The following PAK1 variants were observed in gnomAD, a reference collection of about 807,000 sequenced individuals.
The protein encoded by PAK1 is serine/threonine-protein kinase PAK 1.
A neutral mutation model predicts 67.4 loss-of-function variants in PAK1; 29 were observed. That is an observed-to-expected ratio of 0.43 (90% CI 0.32 to 0.59). The LOEUF is 0.59. Among genes scored for constraint, PAK1 ranks in the 20% least tolerant of loss-of-function variants. The pLI, the probability that PAK1 is intolerant of heterozygous loss-of-function variation, is 0.07. For missense variants in PAK1, 337 were observed against 670.7 expected (o/e 0.50, Z 5.50); for synonymous variants, 223 against 237.4 (o/e 0.94, Z 0.56).
chr11:77,433,096 G>C (rs1007399696), intron 1 of PAK1, among the ~76,000 whole-genome samples: 103 of 152,260 alleles, frequency 6.8e-4, no homozygotes, highest in African/African-American at 2.5e-3. Flanking sequence ...AACGAAGAAA[G>C]AATAGTCTTT....
the PAK1 span, among the ~76,000 whole-genome samples, chr11:77,528,772 T>C: frequency 6.6e-6 from 1 of 152,242 alleles, no homozygotes; most frequent in Non-Finnish European, 1.5e-5. Context: ...TTTGATGTTT[T>C]ATATCCTTAT....
rs1483949833 is a variant in PAK1 at position 77,391,932 on chromosome 11, T to C, written c.190+399A>G. ...TGAAAGTGGGACCAGGAAGCTGGAA[T>C]AAAGAAAAGGCAATCAAGATTTTGG... On this transcript the variant is annotated intron_variant, in intron 2 of 14. Coordinates refer to ENST00000356341, the MANE Select transcript of PAK1 (RefSeq NM_002576.5). 7.9e-5 allele frequency among the ~76,000 whole-genome samples: 12 copies of C among 152,190 alleles called. No individual in the cohort carries two copies. In the East Asian group the frequency reaches 9.7e-4, roughly 12 times the overall value.
chr11:77,398,506 A>T (rs1164959875), intron 1 of PAK1, among the ~76,000 whole-genome samples: 1 of 152,150 alleles, frequency 6.6e-6, no homozygotes, highest in Non-Finnish European at 1.5e-5. Flanking sequence ...GTTGCAAATG[A>T]CAGGATCTCA....
At chr11:77,336,323 A>G in intron 12 of PAK1, 41 bp from the exon 13 acceptor site, 1 of 1,475,698 alleles carries the variant, frequency 6.8e-7, no homozygotes, top group Non-Finnish European at 9.4e-7. Context: ...CATTTAGGAT[A>G]TACACTCACT....
chr11:77,397,091 G>A (rs503406), intron 1 of PAK1: 52,349 of 152,054 alleles, frequency 0.34, 9,332 homozygotes, highest in African/African-American at 0.43. Context: ...TGCCTCAGAC[G>A]TGCTGCAATA....
chr11:77,431,868 T>C (rs1055201206), intron 1 of PAK1, among the ~76,000 whole-genome samples: 6 of 152,160 alleles, frequency 3.9e-5, no homozygotes, highest in African/African-American at 1.4e-4. Context: ...AAAGTAACAA[T>C]ATGCCAATCC....
At chr11:77,501,530 A>G in the PAK1 span, among the ~76,000 whole-genome samples, 5 of 152,186 alleles carry the variant, frequency 3.3e-5, no homozygotes, top group African/African-American at 1.2e-4. Context: ...TGGCTTGAGC[A>G]GGGCTGATCC....
chr11:77,382,932 G>A (rs776832731), intron 2 of PAK1, among the ~76,000 whole-genome samples: 4 of 152,284 alleles, frequency 2.6e-5, no homozygotes, highest in Non-Finnish European at 5.9e-5. Context: ...AGGAGGCAGA[G>A]GTTGAAGTGA....
At chr11:77,484,556 C>A in the PAK1 span, among the ~76,000 whole-genome samples, 1 of 152,192 alleles carries the variant, frequency 6.6e-6, no homozygotes, top group African/African-American at 2.4e-5. Flanking sequence ...TAGAAGCACT[C>A]ATGGGTGGTT....
At chr11:77,406,080 C>A (rs1223802919) in intron 1 of PAK1, among the ~76,000 whole-genome samples, 13 of 152,216 alleles carry the variant, frequency 8.5e-5, no homozygotes, top group Non-Finnish European at 1.6e-4. Context: ...CCTTCTCCAG[C>A]TATCATCCAC....
At chr11:77,485,173 C>A in the PAK1 span, among the ~76,000 whole-genome samples, 1 of 151,892 alleles carries the variant, frequency 6.6e-6, no homozygotes, top group African/African-American at 2.4e-5. Flanking sequence ...GAAAGAGTAG[C>A]GGGGTAGAGG....
At chr11:77,431,218 A>G (rs1955844668) in intron 1 of PAK1, among the ~76,000 whole-genome samples, 1 of 152,152 alleles carries the variant, frequency 6.6e-6, no homozygotes, top group African/African-American at 2.4e-5. Context: ...TATCTGCATT[A>G]TTTTACAACA....
chr11:77,352,409 C>G (rs146541617), intron 8 of PAK1, among the ~76,000 whole-genome samples: 1 of 152,156 alleles, frequency 6.6e-6, no homozygotes, highest in African/African-American at 2.4e-5. Context: ...TTTCAGTCAA[C>G]GATGGACCGC....
At chr11:77,513,815 A>C in the PAK1 span, among the ~76,000 whole-genome samples, 70 of 152,054 alleles carry the variant, frequency 4.6e-4, no homozygotes, top group African/African-American at 1.7e-3. Context: ...CCTGCCTGCT[A>C]TTCCTTAGCT....
At chr11:77,492,523 A>G in the PAK1 span, among the ~76,000 whole-genome samples, 3 of 150,180 alleles carry the variant, frequency 2.0e-5, no homozygotes, top group Non-Finnish European at 4.4e-5. Context: ...AAAAGATGGC[A>G]TTTGAGCTGA....
intron 6 of PAK1, among the ~76,000 whole-genome samples, chr11:77,357,464 C>A (rs1946191910): frequency 6.6e-6 from 1 of 152,174 alleles, no homozygotes; most frequent in Non-Finnish European, 1.5e-5. Flanking sequence ...ACCTGTACTT[C>A]CATGCCTTGT....
At chr11:77,450,367 G>A (rs1036676001) in intron 1 of PAK1, among the ~76,000 whole-genome samples, 4 of 152,080 alleles carry the variant, frequency 2.6e-5, no homozygotes, top group Non-Finnish European at 5.9e-5. Flanking sequence ...AAACCCGAAA[G>A]AACCTGGCAG....
intron 1 of PAK1, among the ~76,000 whole-genome samples, chr11:77,442,428 T>A (rs1956395186): frequency 6.6e-6 from 1 of 152,226 alleles, no homozygotes; most frequent in Admixed American, 6.5e-5. Context: ...TGATATGCTG[T>A]GAACTGCCCT....
At chr11:77,371,491 T>C (rs1005823291) in intron 5 of PAK1, among the ~76,000 whole-genome samples, 2 of 152,146 alleles carry the variant, frequency 1.3e-5, no homozygotes, top group Non-Finnish European at 2.9e-5. Context: ...AGGGTATGAG[T>C]GAATACATGA....
Sources: allele counts gnomAD v4.1 joint callset (sites outside exome capture counted in the v4.1 genomes callset), GRCh38; gene constraint gnomAD v4.1.1; transcripts MANE v1.5; gene names NCBI Gene and HGNC (gene_info 2026-07-23, HGNC 2026-07-21).